Variants in PAPPA observed in about 807,000 individuals in gnomAD.
The protein encoded by PAPPA is pappalysin 1.
In PAPPA, 60 loss-of-function variants were observed where a neutral mutation model predicts 164.0. The ratio of observed to expected loss-of-function variants is 0.37; its 90% confidence interval spans 0.30 to 0.45. The LOEUF is 0.45. Among genes scored for constraint, PAPPA ranks in the 20% least tolerant of loss-of-function variants. The pLI, the probability that PAPPA is intolerant of heterozygous loss-of-function variation, is 1.00. For missense variants in PAPPA, 1,782 were observed against 2,087.3 expected, an observed-to-expected ratio of 0.85 and a Z score of 2.85; for synonymous variants, 875 against 814.1, an observed-to-expected ratio of 1.07 and a Z score of -1.27.
intron 19 of PAPPA, among the ~76,000 whole-genome samples, chr9:116,374,862 C>T (rs568502233): frequency 6.6e-6 from 1 of 152,216 alleles, no homozygotes; most frequent in Non-Finnish European, 1.5e-5. Context: ...TTCACCCAGC[C>T]CCATGGCTGG....
intron 10 of PAPPA, among the ~76,000 whole-genome samples, chr9:116,308,390 A>C (rs1459964527): frequency 6.6e-6 from 1 of 152,218 alleles, no homozygotes; most frequent in Admixed American, 6.5e-5. Flanking sequence ...AAATTATAAA[A>C]ATAGCATTTA....
At chr9:116,374,151 G>GCA in intron 19 of PAPPA, among the ~76,000 whole-genome samples, 1 of 149,316 alleles carries the variant, frequency 6.7e-6, no homozygotes, top group Non-Finnish European at 1.5e-5. Flanking sequence ...AGATGATGGT[G>GCA]GTAGTGTTGG....
At chr9:116,336,532 A>G (rs1177267299) in intron 13 of PAPPA, among the ~76,000 whole-genome samples, 1 of 152,210 alleles carries the variant, frequency 6.6e-6, no homozygotes. Context: ...GACCTTTTCC[A>G]CAACACTTTC....
intron 1 of PAPPA, among the ~76,000 whole-genome samples, chr9:116,172,679 C>T (rs550132248): frequency 6.6e-6 from 1 of 152,312 alleles, no homozygotes; most frequent in South Asian, 2.1e-4. Flanking sequence ...TTGGCCTCCT[C>T]CTCATCAATC....
Position 116,207,407 on chromosome 9 carries a change from T to TTATTTAAATGG in PAPPA, c.1479-46_1479-45insTTAAATGGTAT, listed in dbSNP as rs11268296. On this transcript the variant is annotated intron_variant, in intron 2 of 21. Transcript: ENST00000328252. ...CTCTAAATTATTTGGAGAGGGCCTG[T>TTATTTAAATGG]TATCTTTTTGGGGGCATGATAACAG... 2.6e-6 allele frequency: 4 copies of TTATTTAAATGG among 1,512,970 alleles called. No homozygotes were observed. In the African/African-American group the frequency reaches 5.6e-5, roughly 21 times the overall value. 93.7% of individuals were successfully genotyped at this position (1,512,970 alleles called of 1,614,324 possible). A position where few individuals can be genotyped will look rare whatever the true frequency, so the allele number is the denominator to read the frequency against.
At chr9:116,237,730 T>C (rs1225553469) in intron 7 of PAPPA, among the ~76,000 whole-genome samples, 2 of 152,014 alleles carry the variant, frequency 1.3e-5, no homozygotes, top group African/African-American at 4.8e-5. Context: ...CTTTTTTTTT[T>C]TTTCTTTCCA....
At chr9:116,259,128 C>T (rs940573505) in intron 7 of PAPPA, among the ~76,000 whole-genome samples, 4 of 151,408 alleles carry the variant, frequency 2.6e-5, no homozygotes, top group South Asian at 2.1e-4. Flanking sequence ...AATGAAACTC[C>T]GTCTAAAAAA....
intron 2 of PAPPA, among the ~76,000 whole-genome samples, chr9:116,198,129 G>A (rs554594265): frequency 1.3e-5 from 2 of 152,312 alleles, no homozygotes; most frequent in South Asian, 2.1e-4. Context: ...TTATCAATTT[G>A]GTTTGATGCT....
At chr9:116,181,417 T>C (rs1448481155) in intron 1 of PAPPA, among the ~76,000 whole-genome samples, 2 of 152,178 alleles carry the variant, frequency 1.3e-5, no homozygotes, top group East Asian at 3.9e-4. Context: ...CATAGTCTTT[T>C]CTCTGTATTA....
chr9:116,176,799 C>T (rs1843841186), intron 1 of PAPPA, among the ~76,000 whole-genome samples: 1 of 152,112 alleles, frequency 6.6e-6, no homozygotes, highest in African/African-American at 2.4e-5. Flanking sequence ...TGAACATACA[C>T]ACAAGCAAAG....
chr9:116,190,319 C>T (rs566390570), intron 2 of PAPPA, among the ~76,000 whole-genome samples: 2 of 152,282 alleles, frequency 1.3e-5, no homozygotes, highest in Non-Finnish European at 2.9e-5. Flanking sequence ...ATTTGTACAT[C>T]GATTTATTTG....
intron 10 of PAPPA, chr9:116,318,485 A>G (rs1845814329): frequency 6.6e-6 from 1 of 152,172 alleles, no homozygotes; most frequent in Non-Finnish European, 1.5e-5. Flanking sequence ...GGACAGAAAA[A>G]AAAAAGATGC....
At chr9:116,185,236 G>T (rs759085214) in intron 1 of PAPPA, among the ~76,000 whole-genome samples, 4 of 152,212 alleles carry the variant, frequency 2.6e-5, no homozygotes, top group African/African-American at 7.2e-5. Flanking sequence ...GCTTCACTAA[G>T]GTTGTCCTGA....
intron 13 of PAPPA, among the ~76,000 whole-genome samples, chr9:116,336,687 G>T (rs1846066383): frequency 2.0e-5 from 3 of 152,204 alleles, no homozygotes; most frequent in African/African-American, 7.2e-5. Context: ...ATACGTATTT[G>T]TTAGTTCTTT....
chr9:116,157,070 CAG>C (rs1843612405), intron 1 of PAPPA, among the ~76,000 whole-genome samples: 1 of 152,308 alleles, frequency 6.6e-6, no homozygotes, highest in Non-Finnish European at 1.5e-5. Flanking sequence ...CTATTTCAGG[CAG>C]AGAGTTGCTG....
intron 7 of PAPPA, among the ~76,000 whole-genome samples, chr9:116,251,835 G>A (rs1055240173): frequency 6.6e-6 from 1 of 152,202 alleles, no homozygotes; most frequent in Admixed American, 6.5e-5. Context: ...TCCAGGTGTG[G>A]AGTTTCCTCC....
chr9:116,234,526 T>C (rs1485614684), intron 6 of PAPPA, among the ~76,000 whole-genome samples: 1 of 152,100 alleles, frequency 6.6e-6, no homozygotes, highest in Non-Finnish European at 1.5e-5. Flanking sequence ...TCTTTGCTGG[T>C]CGGGGGGTGG....
chr9:116,284,229 A>T lies in PAPPA; in HGVS notation c.2953+12813A>T, dbSNP rs986694612. ...AAGTAGAGAGTGACCTGTCCCCGGA[A>T]GAGATTGAGCAGAAATTTGAGAATC... On this transcript the variant is annotated intron_variant, in intron 9 of 21. Transcript: ENST00000328252. 2.6e-5 allele frequency among the ~76,000 whole-genome samples: 4 copies of T among 152,222 alleles called. No homozygotes were observed. In the East Asian group the frequency reaches 5.8e-4, roughly 22 times the overall value.
At chr9:116,344,818 C>CTGGGTATTTAG in intron 14 of PAPPA, 107 bp downstream of exon 14, 8 of 884,468 alleles carry the variant, frequency 9.0e-6, no homozygotes, top group Middle Eastern at 3.6e-4. Flanking sequence ...AATAGTGCTG[C>CTGGGTATTTAG]CACATAGTAG....
Sources: allele counts gnomAD v4.1 joint callset (sites outside exome capture counted in the v4.1 genomes callset), GRCh38; gene constraint gnomAD v4.1.1; transcripts MANE v1.5; gene names NCBI Gene and HGNC (gene_info 2026-07-23, HGNC 2026-07-21).